PDIK1L: variants seen among roughly 807,000 people sequenced by gnomAD.
PDIK1L encodes serine/threonine-protein kinase PDIK1L.
In PDIK1L, 9 loss-of-function variants were observed where a neutral mutation model predicts 27.1. The ratio of observed to expected loss-of-function variants is 0.33; its 90% confidence interval spans 0.20 to 0.58. The LOEUF (loss-of-function observed/expected upper bound fraction) is 0.58, where lower values mean the gene tolerates loss of function less well. PDIK1L is among the 20% of genes least tolerant of loss of function. PDIK1L has a pLI of 0.86. For synonymous variants in PDIK1L, 130 were observed against 141.7 expected (o/e 0.92, Z 0.59); for missense variants, 216 against 413.2 (o/e 0.52, Z 4.14).
At position 26,123,252 on chromosome 1, in the gene PDIK1L, CAA is replaced by C. The variant is rs958443469; in HGVS notation, c.*677_*678del. On this transcript the variant is annotated 3_prime_UTR_variant, in exon 3 of 3. Transcript: ENST00000374269. ...GAGGGTCTAAAATTATCTGGTAAAACAAATGAAATTAAGTGATCCAAAGCTGC... is the reference window on the plus strand; with the variant it reads ...GAGGGTCTAAAATTATCTGGTAAAACATGAAATTAAGTGATCCAAAGCTGC... 2.1e-5 allele frequency: 3 copies of C among 140,414 alleles called. No individual in the cohort carries two copies. The highest frequency in any genetic ancestry group is 7.9e-5 in the African/African-American group (3 of 37,738). 8.7% of individuals were successfully genotyped at this position (140,414 alleles called of 1,614,324 possible).
chr1:26,117,926 G>A (rs999368025), intron 2 of PDIK1L, among the ~76,000 whole-genome samples: 18 of 151,758 alleles, frequency 1.2e-4, no homozygotes, highest in African/African-American at 4.4e-4. Flanking sequence ...TGGGTGTGGT[G>A]GCACACACCA....
chr1:26,123,322 T>C lies in PDIK1L; in HGVS notation c.*745T>C, dbSNP rs541157898. 1 of 152,022 alleles carries C rather than the reference T, an allele frequency of 6.6e-6. No individual in the cohort carries two copies. The highest frequency in any genetic ancestry group is 2.1e-4 in the South Asian group (1 of 4,810). 9.4% of individuals were successfully genotyped at this position (152,022 alleles called of 1,614,324 possible). Reference sequence around the variant, plus strand: ...CTCCAGTGCCCTATAGCTGCAAGAGTTGAATTAGTCATGCAGTCATATGGC... The same window carrying C: ...CTCCAGTGCCCTATAGCTGCAAGAGCTGAATTAGTCATGCAGTCATATGGC... On this transcript the variant is annotated 3_prime_UTR_variant, in exon 3 of 3. Coordinates refer to ENST00000374269, the MANE Select transcript of PDIK1L (RefSeq NM_152835.5).
At chr1:26,111,539 G>T (rs1035823808), upstream of PDIK1L, 43 of 151,368 alleles carry the variant, frequency 2.8e-4, no homozygotes, top group Non-Finnish European at 8.9e-5. This position sits in a 1 kb window ranked among gnomAD's most constrained non-coding sequence, Gnocchi z 4.0. Flanking sequence ...CGCCCGCTGC[G>T]GCTGGAGGGT....
At chr1:26,120,167 G>A (rs2087954350) in intron 2 of PDIK1L, among the ~76,000 whole-genome samples, 1 of 152,210 alleles carries the variant, frequency 6.6e-6, no homozygotes. Context: ...TAAGACTTCT[G>A]GGGGTAAAAA....
At chr1:26,111,675 G>T (rs1362460864), upstream of PDIK1L, among the ~76,000 whole-genome samples, 3 of 151,658 alleles carry the variant, frequency 2.0e-5, no homozygotes, top group Non-Finnish European at 2.9e-5. This position sits in a 1 kb window ranked among gnomAD's most constrained non-coding sequence, Gnocchi z 4.0. Flanking sequence ...AAATCCTCGA[G>T]AGAGGGAGGA....
At position 26,114,312 on chromosome 1, in the gene PDIK1L, G is replaced by A; in HGVS notation, c.4G>A (p.Val2Met). The A allele has an allele frequency of 6.2e-7, 1 of 1,607,714 alleles. No homozygotes were observed. Among genetic ancestry groups the A allele is most frequent in the South Asian group, 1.1e-5 (1 of 90,934 alleles). ...TCCAGAAACCTCGACCTTGAAGATG[G>A]TGAGTAGCCAGCCAAAGTACGATCT... is the stretch of plus-strand genomic sequence containing the variant. M[V>M]SSQPKYDLIR... Residue 2 changes from valine to methionine, a missense_variant, in exon 2 of 3, where the codon GTG (valine) becomes ATG (methionine). Physicochemically the swap from Val to Met is conservative, Grantham distance 21. Coordinates refer to ENST00000374269, the MANE Select transcript of PDIK1L (RefSeq NM_152835.5). This position sits in a 1 kb window ranked among gnomAD's most constrained non-coding sequence, Gnocchi z 4.8.
chr1:26,121,459 A>G (rs950874654), intron 2 of PDIK1L, among the ~76,000 whole-genome samples: 1 of 152,166 alleles, frequency 6.6e-6, no homozygotes, highest in African/African-American at 2.4e-5. Context: ...TGAGGTTTAT[A>G]CCCCAGCTGG....
At chr1:26,120,736 G>A (rs1347308789) in intron 2 of PDIK1L, among the ~76,000 whole-genome samples, 1 of 152,118 alleles carries the variant, frequency 6.6e-6, no homozygotes, top group African/African-American at 2.4e-5. Flanking sequence ...GGCGGATCAC[G>A]AGGTAAAGAG....
chr1:26,123,693 A>G lies in PDIK1L; in HGVS notation c.*1116A>G, dbSNP rs1278030937. On this transcript the variant is annotated 3_prime_UTR_variant, in exon 3 of 3. Coordinates refer to ENST00000374269, the MANE Select transcript of PDIK1L (RefSeq NM_152835.5). Reference sequence around the variant, plus strand: ...TCTGATTTGAAACAGTACTGGTAATAATATGGTTGTTGAAAATGTGATCAC... The same window carrying G: ...TCTGATTTGAAACAGTACTGGTAATGATATGGTTGTTGAAAATGTGATCAC... 6.6e-6 allele frequency: 1 copy of G among 152,580 alleles called. No individual in the cohort carries two copies. Among genetic ancestry groups the G allele is most frequent in the Non-Finnish European group, 1.5e-5 (1 of 68,028 alleles). 9.5% of individuals were successfully genotyped at this position (152,580 alleles called of 1,614,324 possible).
chr1:26,112,703 C>T (rs919073224), intron 1 of PDIK1L: 1 of 152,212 alleles, frequency 6.6e-6, no homozygotes, highest in African/African-American at 2.4e-5. Context: ...GAAGTCATTT[C>T]TTTTTATTAA....
At chr1:26,118,751 C>T (rs1557596161) in intron 2 of PDIK1L, among the ~76,000 whole-genome samples, 1 of 152,206 alleles carries the variant, frequency 6.6e-6, no homozygotes, top group Non-Finnish European at 1.5e-5. Flanking sequence ...TTCATCAACA[C>T]ATTTAGCAAG....
Position 26,124,151 on chromosome 1 carries a change from T to G in PDIK1L, c.*1574T>G, listed in dbSNP as rs1330593639. On this transcript the variant is annotated 3_prime_UTR_variant, in exon 3 of 3. Transcript: ENST00000374269. ...AATATGTCATAATTTTTTTCCCTGT[T>G]TCAAATGTGTTCAGAGGAAATAGAA... 1 of 152,618 alleles carries G rather than the reference T, an allele frequency of 6.6e-6. No individual in the cohort carries two copies. Among genetic ancestry groups the G allele is most frequent in the African/African-American group, 2.4e-5 (1 of 41,456 alleles). 9.5% of individuals were successfully genotyped at this position (152,618 alleles called of 1,614,324 possible).
In PDIK1L at chr1:26,114,421, A is replaced by G. The variant is rs200926830; in HGVS notation, c.113A>G (p.Lys38Arg). ...ACCTCTGCACGGGTGGCAGTGAAGA[A>G]AATTCGATGTCACGCACCTGAAAAT... The part of the protein sequence containing the change: ...RKTSARVAVK[K>R]IRCHAPENVE... Residue 38 changes from lysine to arginine, a missense_variant, in exon 2 of 3, where the codon AAA becomes AGA. Coordinates refer to ENST00000374269, the MANE Select transcript of PDIK1L (RefSeq NM_152835.5). This position sits in a 1 kb window ranked among gnomAD's most constrained non-coding sequence, Gnocchi z 4.8. The G allele has an allele frequency of 6.2e-7, 1 of 1,614,102 alleles. No individual in the cohort carries two copies.
intron 1 of PDIK1L, among the ~76,000 whole-genome samples, chr1:26,113,725 G>A (rs989173841): frequency 6.6e-6 from 1 of 152,064 alleles, no homozygotes; most frequent in Non-Finnish European, 1.5e-5. Flanking sequence ...AACTGTGAGG[G>A]GGTTTTGTTT....
chr1:26,115,797 G>A (rs1220331679), intron 2 of PDIK1L, among the ~76,000 whole-genome samples: 6 of 145,120 alleles, frequency 4.1e-5, no homozygotes, highest in Non-Finnish European at 6.0e-5. Context: ...GCGAGACTCC[G>A]TCAAAAAAAA....
At chr1:26,111,579 G>A (rs898644343), upstream of PDIK1L, among the ~76,000 whole-genome samples, 4 of 151,368 alleles carry the variant, frequency 2.6e-5, no homozygotes, top group Admixed American at 2.0e-4. The surrounding 1 kb of genome is among the most constrained non-coding windows in gnomAD (Gnocchi z 4.0). Flanking sequence ...GTGGCCTCGC[G>A]GTTCCCGAGC....
At position 26,122,280 on chromosome 1, in the gene PDIK1L, G is replaced by C; in HGVS notation, c.729G>C (p.Leu243=). 6.2e-7 allele frequency: 1 copy of C among 1,614,146 alleles called. No homozygotes were observed. The highest frequency in any genetic ancestry group is 8.5e-7 in the Non-Finnish European group (1 of 1,180,028). ...CAGCAAAAGCTGACATCTTTGCTCT[G>C]GGGATTATCATCTGGGCAATGCTGG... is the stretch of plus-strand genomic sequence containing the variant. ...HYTAKADIFA[L]GIIIWAMLER... The change falls in exon 3 of 3, where the codon CTG becomes CTC. Residue 243 remains leucine (L), a synonymous_variant. Coordinates refer to ENST00000374269, the MANE Select transcript of PDIK1L (RefSeq NM_152835.5). This position sits in a 1 kb window ranked among gnomAD's most constrained non-coding sequence, Gnocchi z 5.4.
At chr1:26,111,449 G>A (rs1007910884), upstream of PDIK1L, 2 of 151,776 alleles carry the variant, frequency 1.3e-5, no homozygotes, top group African/African-American at 4.8e-5. This position sits in a 1 kb window ranked among gnomAD's most constrained non-coding sequence, Gnocchi z 4.0. Context: ...GGTAGAGGGA[G>A]GGGAGGCCGC....
chr1:26,114,176 A>G lies in PDIK1L; in HGVS notation c.-17-116A>G. The G allele has an allele frequency of 9.6e-7, 1 of 1,039,064 alleles. No homozygotes were observed. Among genetic ancestry groups the G allele is most frequent in the East Asian group, 2.6e-5 (1 of 38,138 alleles). The allele number at this position is 1,039,064 out of a possible 1,614,324, so 64.4% of individuals were successfully genotyped here. A position where few individuals can be genotyped will look rare whatever the true frequency, so the allele number is the denominator to read the frequency against. ...AATTAGATTTCCCCTAGGTATAGCA[A>G]ATATCCTTCAAGCACTGCAGACAGT... On this transcript the variant is annotated intron_variant, in intron 1 of 2. Coordinates refer to ENST00000374269, the MANE Select transcript of PDIK1L (RefSeq NM_152835.5). This position sits in a 1 kb window ranked among gnomAD's most constrained non-coding sequence, Gnocchi z 4.8.
Sources: gnomAD v4.1 joint callset for allele counts (sites outside exome capture counted in the v4.1 genomes callset) on GRCh38, gnomAD v4.1.1 for gene constraint, Gnocchi (gnomAD v3.1) non-coding constraint, MANE v1.5 for transcripts, NCBI Gene and HGNC (gene_info 2026-07-23, HGNC 2026-07-21) for gene names.